Variants in C12orf56 observed in about 807,000 individuals in gnomAD.
C12orf56 encodes the protein chromosome 12 open reading frame 56, also known as uncharacterized protein C12orf56.
In C12orf56, 71 loss-of-function variants were observed where a neutral mutation model predicts 69.9. That is an observed-to-expected ratio of 1.02 (90% CI 0.84 to 1.24). C12orf56 has a LOEUF of 1.24. Among genes scored for constraint, C12orf56 ranks in the 50% most tolerant of loss-of-function variants. C12orf56 has a pLI of 0.00. For synonymous variants in C12orf56, 276 were observed against 274.1 expected (o/e 1.01, Z -0.07); for missense variants, 732 against 738.5 (o/e 0.99, Z 0.10).
At chr12:64,287,227 G>C (rs1456939497) in intron 6 of C12orf56, among the ~76,000 whole-genome samples, 1 of 120,254 alleles carries the variant, frequency 8.3e-6, no homozygotes, top group Non-Finnish European at 1.6e-5. Context: ...CTGGGCAAGA[G>C]TGAGTGAGAC....
intron 1 of C12orf56, among the ~76,000 whole-genome samples, chr12:64,356,380 T>G (rs2039318511): frequency 1.3e-5 from 2 of 152,036 alleles, no homozygotes. Flanking sequence ...AGCAAGGCAA[T>G]TTTTACTTCC....
At position 64,390,511 on chromosome 12, in the gene C12orf56, C is replaced by T. The variant is rs1432949368; in HGVS notation, c.55G>A (p.Val19Met). The change falls in exon 1 of 13, where the codon GTG becomes ATG. Residue 19 changes from valine to methionine, a missense_variant. Val to Met is a conservative substitution (Grantham distance 21). Transcript: ENST00000543942. ...GGCGGCAGATGCCGCCGCAGGAACACATCCAGGCGGCTGTTCCTGCGCGCG... is the reference window on the plus strand; with the variant it reads ...GGCGGCAGATGCCGCCGCAGGAACATATCCAGGCGGCTGTTCCTGCGCGCG... ...FPARRNSRLD[V>M]FLRRHLPPEV... 6.3e-7 allele frequency: 1 copy of T among 1,599,744 alleles called. No individual in the cohort carries two copies. The highest frequency in any genetic ancestry group is 8.5e-7 in the Non-Finnish European group (1 of 1,179,162).
At chr12:64,314,637 G>A (rs539328280) in intron 4 of C12orf56, among the ~76,000 whole-genome samples, 1 of 151,950 alleles carries the variant, frequency 6.6e-6, no homozygotes, top group South Asian at 2.1e-4. Context: ...TGACACTGCA[G>A]ACAAGCTTTT....
intron 11 of C12orf56, among the ~76,000 whole-genome samples, chr12:64,272,358 A>G (rs1409283605): frequency 6.6e-6 from 1 of 151,850 alleles, no homozygotes; most frequent in Non-Finnish European, 1.5e-5. Context: ...TACAAAAATT[A>G]GCCAGTCGTG....
At chr12:64,338,858 G>T in intron 2 of C12orf56, 1 of 731,204 alleles carries the variant, frequency 1.4e-6, no homozygotes, top group Non-Finnish European at 2.4e-6. Context: ...TGAGGTGGGA[G>T]GAATGGGCAG....
At chr12:64,319,908 T>C (rs1475591948) in intron 3 of C12orf56, among the ~76,000 whole-genome samples, 1 of 152,200 alleles carries the variant, frequency 6.6e-6, no homozygotes, top group Non-Finnish European at 1.5e-5. Flanking sequence ...ATCTTGCAAC[T>C]GCACTGTCTT....
intron 2 of C12orf56, among the ~76,000 whole-genome samples, chr12:64,346,179 C>T (rs1267758832): frequency 1.3e-5 from 2 of 152,176 alleles, no homozygotes; most frequent in African/African-American, 4.8e-5. Context: ...AGGTCCCACA[C>T]TAGGCTGTCT....
chr12:64,377,104 A>G (rs1004616330), intron 1 of C12orf56, among the ~76,000 whole-genome samples: 1 of 151,562 alleles, frequency 6.6e-6, no homozygotes, highest in African/African-American at 2.4e-5. Flanking sequence ...TGCATTCTGT[A>G]GTGATTGGTG....
In C12orf56 at chr12:64,312,771, G is replaced by T; in HGVS notation, c.895-19C>A. 6.7e-7 allele frequency: 1 copy of T among 1,501,244 alleles called. No homozygotes were observed. Among genetic ancestry groups the T allele is most frequent in the South Asian group, 1.2e-5 (1 of 83,236 alleles). The allele number at this position is 1,501,244 out of a possible 1,614,324, so 93.0% of individuals were successfully genotyped here. A position where few individuals can be genotyped will look rare whatever the true frequency, so the allele number is the denominator to read the frequency against. Reference sequence around the variant, plus strand: ...TAGCTTTCTGAAAAAGGAAAAAGTAGAAATTGTTAGAATTTTTATTTACTG... The same window carrying T: ...TAGCTTTCTGAAAAAGGAAAAAGTATAAATTGTTAGAATTTTTATTTACTG... On this transcript the variant is annotated intron_variant, in intron 4 of 12. Coordinates refer to ENST00000543942, the MANE Select transcript of C12orf56 (RefSeq NM_001170633.2).
chr12:64,375,066 ATTAT>A (rs921086504), intron 1 of C12orf56, among the ~76,000 whole-genome samples: 25 of 151,086 alleles, frequency 1.7e-4, no homozygotes, highest in Non-Finnish European at 2.4e-4. Context: ...TATTTATTTT[ATTAT>A]TTATTTATTT....
At chr12:64,284,564 G>A (rs2136765434) in intron 8 of C12orf56, 100 bp downstream of exon 8, 1 of 779,832 alleles carries the variant, frequency 1.3e-6, no homozygotes, top group East Asian at 3.0e-5. Flanking sequence ...GAAGGGTGTT[G>A]AACAGGGAAG....
chr12:64,359,666 T>C (rs1025971761), intron 1 of C12orf56, among the ~76,000 whole-genome samples: 1 of 152,114 alleles, frequency 6.6e-6, no homozygotes, highest in African/African-American at 2.4e-5. Flanking sequence ...GAAGGCTTAA[T>C]CCAAAGAACA....
chr12:64,270,680 A>C lies in C12orf56; in HGVS notation c.1619T>G (p.Val540Gly), dbSNP rs758790191. 1 of 1,612,636 alleles carries C rather than the reference A, an allele frequency of 6.2e-7. No homozygotes were observed. Among genetic ancestry groups the C allele is most frequent in the Admixed American group, 1.7e-5 (1 of 59,610 alleles). Residue 540 changes from valine to glycine, a missense_variant, in exon 12 of 13, where the codon GTG (valine) becomes GGG (glycine). Physicochemically the swap from Val to Gly is moderately radical, Grantham distance 109. Coordinates refer to ENST00000543942, the MANE Select transcript of C12orf56 (RefSeq NM_001170633.2). ...TFVASIVKQV[V>G]RGLSASFQLL... ...CTGAAATGAAGCTGAAAGACCCCTCACCACTTGTTTCACAATACTGGCCAC... is the reference window on the plus strand; with the variant it reads ...CTGAAATGAAGCTGAAAGACCCCTCCCCACTTGTTTCACAATACTGGCCAC...
chr12:64,390,049 G>T (rs911359132), intron 1 of C12orf56, among the ~76,000 whole-genome samples: 2 of 152,128 alleles, frequency 1.3e-5, no homozygotes, highest in Non-Finnish European at 2.9e-5. Flanking sequence ...TAGGGAGCTC[G>T]GTTCTCAAAC....
At chr12:64,297,153 C>T (rs1336510776) in intron 6 of C12orf56, among the ~76,000 whole-genome samples, 2 of 152,066 alleles carry the variant, frequency 1.3e-5, no homozygotes, top group African/African-American at 2.4e-5. Flanking sequence ...AGTTGAAAAA[C>T]CACTGCTTTA....
At chr12:64,387,251 G>T (rs150940373) in intron 1 of C12orf56, among the ~76,000 whole-genome samples, 3 of 151,944 alleles carry the variant, frequency 2.0e-5, no homozygotes, top group African/African-American at 7.3e-5. Context: ...GGGATTTAGC[G>T]TGTGCTTATC....
intron 2 of C12orf56, among the ~76,000 whole-genome samples, chr12:64,349,204 T>C (rs7487992): frequency 1 from 152,230 of 152,354 alleles, 76,055 homozygotes; most frequent in Non-Finnish European, 1. Flanking sequence ...AAAAAGTGGG[T>C]TAAGGATATG....
chr12:64,331,844 GC>G (rs910235447), intron 2 of C12orf56, among the ~76,000 whole-genome samples: 46 of 152,160 alleles, frequency 3.0e-4, no homozygotes, highest in African/African-American at 1.1e-3. Context: ...AGCAGCAGGT[GC>G]AGGATAAGAC....
In C12orf56 at chr12:64,303,530, A is replaced by G. The variant is rs1051117034; in HGVS notation, c.1113+105T>C. 7 of 935,924 alleles carry G rather than the reference A, an allele frequency of 7.5e-6. No individual in the cohort carries two copies. The Admixed American group carries it at 9.1e-5, about 12-fold the overall frequency. The allele number at this position is 935,924 out of a possible 1,614,324, so 58.0% of individuals were successfully genotyped here. Reference sequence around the variant, plus strand: ...AAATTTTATCAACATTTAAAAATACAGCATCAGAATACAAGACAACTCTTA... The same window carrying G: ...AAATTTTATCAACATTTAAAAATACGGCATCAGAATACAAGACAACTCTTA... On this transcript the variant is annotated intron_variant, in intron 6 of 12. Coordinates refer to ENST00000543942, the MANE Select transcript of C12orf56 (RefSeq NM_001170633.2).
Sources: gnomAD v4.1 joint callset for allele counts (sites outside exome capture counted in the v4.1 genomes callset) on GRCh38, gnomAD v4.1.1 for gene constraint, MANE v1.5 for transcripts, NCBI Gene and HGNC (gene_info 2026-07-23, HGNC 2026-07-21) for gene names.